The following TTF2 variants were observed in gnomAD, a reference collection of about 807,000 sequenced individuals.
TTF2 encodes RNA polymerase II termination factor.
In TTF2, 108 loss-of-function variants were observed where a neutral mutation model predicts 142.4. That is an observed-to-expected ratio of 0.76 (90% CI 0.65 to 0.89). The LOEUF (loss-of-function observed/expected upper bound fraction) is 0.89. Ranked by LOEUF, TTF2 falls within the 40% of genes least tolerant of loss-of-function variation. The probability of loss-of-function intolerance (pLI) is 0.00; values close to 1 mark genes in which losing one functional copy is unlikely to be tolerated. For synonymous variants in TTF2, 483 were observed against 506.2 expected (o/e 0.95, Z 0.61); for missense variants, 1,327 against 1,379.8 (o/e 0.96, Z 0.61).
chr1:117,103,489 CCAGT>C lies in TTF2; in HGVS notation c.*1969_*1972del, dbSNP rs1379875142. 6.6e-6 allele frequency: 1 copy of C among 152,130 alleles called. No homozygotes were observed. The highest frequency in any genetic ancestry group is 1.5e-5 in the Non-Finnish European group (1 of 68,034). 9.4% of individuals were successfully genotyped at this position (152,130 alleles called of 1,614,324 possible). On this transcript the variant is annotated 3_prime_UTR_variant, in exon 23 of 23. Transcript: ENST00000369466. ...TTGGGAAACAAGACCCTATGTTAAC[CCAGT>C]CAGAGTGTGGACTGAGGCATTCGGA...
rs1413451473 is a variant in TTF2 at position 117,063,947 on chromosome 1, G to T, written c.218+1474G>T. Among the ~76,000 whole-genome samples the T allele has an allele frequency of 6.6e-6, 1 of 152,066 alleles. No homozygotes were observed. The highest frequency in any genetic ancestry group is 1.9e-4 in the East Asian group (1 of 5,200). On this transcript the variant is annotated intron_variant, in intron 3 of 22. Coordinates refer to ENST00000369466, the MANE Select transcript of TTF2 (RefSeq NM_003594.4). This position sits in a 1 kb window ranked among gnomAD's most constrained non-coding sequence, Gnocchi z 4.1. ...TCATGTATCTACCACTACAGTCAAG[G>T]TACTGAAGAGTTCCATCACAGGATC...
chr1:117,065,781 G>GTTA (rs61081359), intron 3 of TTF2, among the ~76,000 whole-genome samples: 134,224 of 151,704 alleles, frequency 0.88, 59,721 homozygotes, highest in East Asian at 1. Flanking sequence ...ATTGCATGAA[G>GTTA]TTATATTCTA....
At chr1:117,062,302 A>G in intron 2 of TTF2, 85 bp from the exon 3 acceptor site, 3 of 1,280,598 alleles carry the variant, frequency 2.3e-6, no homozygotes, top group Non-Finnish European at 3.3e-6. Flanking sequence ...TTCTTGGTGT[A>G]AAAACCCATA....
Position 117,083,960 on chromosome 1 carries a change from A to G in TTF2, c.1904-58A>G, listed in dbSNP as rs1027185344. On this transcript the variant is annotated intron_variant, in intron 10 of 22. Transcript: ENST00000369466. Reference sequence around the variant, plus strand: ...ACCGTGTCTCCATATATTAAAAAAGAAAAGTTAAAAGCCATTTGGTGAATG... The same window carrying G: ...ACCGTGTCTCCATATATTAAAAAAGGAAAGTTAAAAGCCATTTGGTGAATG... 4.4e-6 allele frequency: 7 copies of G among 1,597,400 alleles called. No individual in the cohort carries two copies. In the Admixed American group the frequency reaches 5.1e-5, roughly 12 times the overall value.
rs1157089279 is a variant in TTF2 at position 117,087,348 on chromosome 1, A to G, written c.2160+826A>G. ...CACTCTGTCGCCCAGGATGGAGTGC[A>G]TGGTGCGATCTTGGCTCACTGCAAC... On this transcript the variant is annotated intron_variant, in intron 12 of 22. Coordinates refer to ENST00000369466, the MANE Select transcript of TTF2 (RefSeq NM_003594.4). This position sits in a 1 kb window ranked among gnomAD's most constrained non-coding sequence, Gnocchi z 4.8. Among the ~76,000 whole-genome samples the G allele has an allele frequency of 6.6e-6, 1 of 152,084 alleles. No homozygotes were observed. The highest frequency in any genetic ancestry group is 2.4e-5 in the African/African-American group (1 of 41,414).
Position 117,060,557 on chromosome 1 carries a change from A to T in TTF2, c.131A>T (p.Asp44Val), listed in dbSNP as rs374555247. 2 of 1,608,888 alleles carry T rather than the reference A, an allele frequency of 1.2e-6. No individual in the cohort carries two copies. Among genetic ancestry groups the T allele is most frequent in the Middle Eastern group, 1.7e-4 (1 of 5,732 alleles). ...ACGTGCAGCTTCGTGCGGGCCACCG[A>T]GTAGGTCTGGAGCTGGGCCCCACTC... is the stretch of plus-strand genomic sequence containing the variant. ...ADTCSFVRAT[D>V]IPVSHCLLHE... Residue 44 changes from aspartate (D) to valine (V), a missense_variant and splice_region_variant, in exon 2 of 23, where the codon GAC becomes GTC. Asp to Val is a radical substitution (Grantham distance 152). Transcript: ENST00000369466.
In TTF2 at chr1:117,101,784, A is replaced by G. The variant is rs973703809; in HGVS notation, c.*260A>G. 3.2e-6 allele frequency: 1 copy of G among 313,742 alleles called. No individual in the cohort carries two copies. The highest frequency in any genetic ancestry group is 5.7e-6 in the Non-Finnish European group (1 of 174,812). 19.4% of individuals were successfully genotyped at this position (313,742 alleles called of 1,614,324 possible). On this transcript the variant is annotated 3_prime_UTR_variant, in exon 23 of 23. Transcript: ENST00000369466. The surrounding 1 kb of genome is among the most constrained non-coding windows in gnomAD (Gnocchi z 5.9). ...AATTGATTTTTTTAGATAAAAGAAT[A>G]TGTTTTAGAGTTGGATGATTTTGGA...
intron 4 of TTF2, 77 bp from the exon 5 acceptor site, chr1:117,074,793 G>A: frequency 7.5e-7 from 1 of 1,332,828 alleles, no homozygotes; most frequent in South Asian, 1.6e-5. Context: ...AATAAAAGTT[G>A]AGATGAAAAG....
At chr1:117,062,133 C>G (rs1401906934) in intron 2 of TTF2, among the ~76,000 whole-genome samples, 1 of 152,140 alleles carries the variant, frequency 6.6e-6, no homozygotes, top group African/African-American at 2.4e-5. Flanking sequence ...AGAGATTACA[C>G]AGTGCAGTGT....
rs1041656326 is a variant in TTF2 at position 117,074,974 on chromosome 1, C to T, written c.390C>T (p.Asp130=). 1 of 1,613,748 alleles carries T rather than the reference C, an allele frequency of 6.2e-7. No homozygotes were observed. ...NWLRNPFKVL[D]KNQEPALWKQ... ...TGAGAAATCCATTCAAGGTACTTGA[C>T]AAGAATCAAGAACCAGCTCTCTGGA... is the stretch of plus-strand genomic sequence containing the variant. The change falls in exon 5 of 23, where the codon GAC becomes GAT. Residue 130 remains aspartate (D), a synonymous_variant. Coordinates refer to ENST00000369466, the MANE Select transcript of TTF2 (RefSeq NM_003594.4).
chr1:117,098,534 G>C (rs561971628), intron 21 of TTF2: 1 of 248,362 alleles, frequency 4.0e-6, no homozygotes, highest in African/African-American at 2.2e-5. Flanking sequence ...TCTGACCCTA[G>C]TTTCTCACTA....
intron 2 of TTF2, among the ~76,000 whole-genome samples, chr1:117,060,773 C>T (rs377156688): frequency 2.0e-5 from 3 of 152,200 alleles, no homozygotes; most frequent in African/African-American, 7.2e-5. Context: ...CTGGTTACCC[C>T]CCTCTCTGGG....
At chr1:117,096,411 C>T in intron 20 of TTF2, 112 bp downstream of exon 20, 1 of 1,386,928 alleles carries the variant, frequency 7.2e-7, no homozygotes, top group Non-Finnish European at 9.8e-7. Flanking sequence ...GAGTTTTGCT[C>T]TTGTTGCCCA....
intron 20 of TTF2, among the ~76,000 whole-genome samples, 186 bp downstream of exon 20, chr1:117,096,485 C>G (rs1649167692): frequency 6.6e-6 from 1 of 152,212 alleles, no homozygotes; most frequent in Non-Finnish European, 1.5e-5. Flanking sequence ...TCAAGCGATT[C>G]TCCTGCCTCA....
In TTF2 at chr1:117,060,507, G is replaced by A. The variant is rs1369470856; in HGVS notation, c.81G>A (p.Lys27=). The A allele has an allele frequency of 1.2e-6, 2 of 1,614,010 alleles. No homozygotes were observed. The highest frequency in any genetic ancestry group is 1.3e-5 in the African/African-American group (1 of 74,930). The part of the protein sequence containing the change: ...TGVRDGPNKG[K]SFYVCRADTC... ...TCCGCGATGGCCCGAATAAAGGAAAGAGCTTCTACGTGTGCCGGGCAGACA... is the reference window on the plus strand; with the variant it reads ...TCCGCGATGGCCCGAATAAAGGAAAAAGCTTCTACGTGTGCCGGGCAGACA... The change falls in exon 2 of 23, where the codon AAG becomes AAA. Residue 27 remains lysine (K), a synonymous_variant. Transcript: ENST00000369466.
chr1:117,078,934 C>T (rs1181576914), intron 8 of TTF2, among the ~76,000 whole-genome samples: 1 of 151,978 alleles, frequency 6.6e-6, no homozygotes, highest in Non-Finnish European at 1.5e-5. Context: ...AAAATAGGGT[C>T]AGAGGTCTTG....
At position 117,097,324 on chromosome 1, in the gene TTF2, A is replaced by C; in HGVS notation, c.3187-27A>C. The C allele has an allele frequency of 6.2e-7, 1 of 1,609,756 alleles. No individual in the cohort carries two copies. Among genetic ancestry groups the C allele is most frequent in the Non-Finnish European group, 8.5e-7 (1 of 1,176,044 alleles). ...TGTGTTACGAGACCAAGTCTGTTTAAAGTTAATGTTGTGTTTCCTTTTGAA... is the reference window on the plus strand; with the variant it reads ...TGTGTTACGAGACCAAGTCTGTTTACAGTTAATGTTGTGTTTCCTTTTGAA... On this transcript the variant is annotated intron_variant, in intron 20 of 22. Coordinates refer to ENST00000369466, the MANE Select transcript of TTF2 (RefSeq NM_003594.4). This position sits in a 1 kb window ranked among gnomAD's most constrained non-coding sequence, Gnocchi z 4.1.
intron 3 of TTF2, among the ~76,000 whole-genome samples, chr1:117,064,865 AT>A (rs1397834931): frequency 7.1e-6 from 1 of 140,120 alleles, no homozygotes; most frequent in Non-Finnish European, 1.5e-5. Flanking sequence ...GCTTTTTCAT[AT>A]AGGTCTATTA....
Position 117,087,428 on chromosome 1 carries a change from A to G in TTF2, c.2160+906A>G, listed in dbSNP as rs977136955. ...TGCCTCAGCTTCCCAAGTAGCTGGG[A>G]TAACAGGTGCCCGCCACTATGCTCG... On this transcript the variant is annotated intron_variant, in intron 12 of 22. Transcript: ENST00000369466. The surrounding 1 kb of genome is among the most constrained non-coding windows in gnomAD (Gnocchi z 4.8). Among the ~76,000 whole-genome samples the G allele has an allele frequency of 1.7e-4, 26 of 152,110 alleles. No individual in the cohort carries two copies. The highest frequency in any genetic ancestry group is 5.8e-4 in the African/African-American group (24 of 41,426).
Sources: gnomAD v4.1 joint callset for allele counts (sites outside exome capture counted in the v4.1 genomes callset) on GRCh38, gnomAD v4.1.1 for gene constraint, Gnocchi (gnomAD v3.1) non-coding constraint, MANE v1.5 for transcripts, NCBI Gene and HGNC (gene_info 2026-07-23, HGNC 2026-07-21) for gene names.